The following MAP7 variants were observed in gnomAD, a reference collection of about 807,000 sequenced individuals.
MAP7 encodes ensconsin.
A neutral mutation model predicts 94.8 loss-of-function variants in MAP7; 52 were observed. The ratio of observed to expected loss-of-function variants is 0.55; its 90% CI spans 0.44 to 0.69. The LOEUF (loss-of-function observed/expected upper bound fraction) is 0.69, where lower values mean the gene tolerates loss of function less well. Ranked by LOEUF, MAP7 falls within the 30% of genes least tolerant of loss-of-function variation. MAP7 has a pLI of 0.00. For synonymous variants in MAP7, 350 were observed against 357.0 expected (o/e 0.98, Z 0.22); for missense variants, 940 against 964.6 (o/e 0.97, Z 0.34).
At chr6:136,439,181 G>T (rs1353683492) in intron 1 of MAP7, among the ~76,000 whole-genome samples, 6 of 152,180 alleles carry the variant, frequency 3.9e-5, no homozygotes, top group Non-Finnish European at 7.3e-5. Flanking sequence ...GACCCAATGT[G>T]ATAGTGCTAA....
chr6:136,430,244 A>G (rs944819466), intron 1 of MAP7, among the ~76,000 whole-genome samples: 4 of 152,224 alleles, frequency 2.6e-5, no homozygotes, highest in African/African-American at 7.2e-5. Flanking sequence ...AACGAACTGA[A>G]AAGAGGGTGT....
At chr6:136,361,522 G>A (rs896393457) in intron 11 of MAP7, among the ~76,000 whole-genome samples, 1 of 152,294 alleles carries the variant, frequency 6.6e-6, no homozygotes, top group East Asian at 1.9e-4. Context: ...AAGCACCCCA[G>A]CCAAAGGGAA....
intron 1 of MAP7, among the ~76,000 whole-genome samples, chr6:136,528,862 A>G (rs1828243046): frequency 6.6e-6 from 1 of 150,978 alleles, no homozygotes; most frequent in South Asian, 2.1e-4. Flanking sequence ...TCCTTCCCTT[A>G]TAAAGGACAC....
chr6:136,363,365 TC>T (rs1036175430), intron 10 of MAP7, among the ~76,000 whole-genome samples: 5 of 152,210 alleles, frequency 3.3e-5, no homozygotes. Flanking sequence ...ACACTGATGC[TC>T]ACAATTCTGC....
At chr6:136,496,170 C>CA (rs887051806) in intron 1 of MAP7, among the ~76,000 whole-genome samples, 21 of 152,094 alleles carry the variant, frequency 1.4e-4, no homozygotes, top group Admixed American at 3.3e-4. Context: ...TAACTATTTG[C>CA]AAAAAAATTT....
intron 1 of MAP7, among the ~76,000 whole-genome samples, chr6:136,548,702 A>G (rs1661683610): frequency 6.6e-6 from 1 of 152,254 alleles, no homozygotes; most frequent in Non-Finnish European, 1.5e-5. Flanking sequence ...GTTTGTAGTC[A>G]GTTCACTTAT....
Position 136,362,514 on chromosome 6 carries a change from G to A in MAP7, c.1462C>T (p.Arg488Trp), listed in dbSNP as rs1361780560. Residue 488 changes from arginine to tryptophan, a missense_variant, in exon 11 of 18, where the codon CGG (arginine) becomes TGG (tryptophan). Arg to Trp is a moderately radical substitution (Grantham distance 101, BLOSUM62 -3). Transcript: ENST00000354570. The part of the protein sequence containing the change: ...EATRLLAEKR[R>W]LAREQREKEE... ...TTTTCTCTCTGCTCTCGGGCCAGCCGCCTCTTCTCAGCTAGAAGCCTTGTG... is the reference window on the plus strand; with the variant it reads ...TTTTCTCTCTGCTCTCGGGCCAGCCACCTCTTCTCAGCTAGAAGCCTTGTG... The A allele has an allele frequency of 2.5e-6, 4 of 1,613,850 alleles. No individual in the cohort carries two copies. In the Admixed American group the frequency reaches 5.0e-5, roughly 20 times the overall value.
intron 7 of MAP7, among the ~76,000 whole-genome samples, chr6:136,376,597 T>C (rs1362927029): frequency 6.6e-6 from 1 of 152,228 alleles, no homozygotes; most frequent in Non-Finnish European, 1.5e-5. Context: ...GTTCAGCTAG[T>C]TGACTGCACA....
intron 3 of MAP7, among the ~76,000 whole-genome samples, chr6:136,406,969 A>T (rs965183564): frequency 1.3e-5 from 2 of 152,252 alleles, no homozygotes; most frequent in Non-Finnish European, 2.9e-5. Context: ...AAAATAAAGT[A>T]AGTGACATTC....
Position 136,383,658 on chromosome 6 carries a change from C to A in MAP7, c.637+13G>T, listed in dbSNP as rs765724702. On this transcript the variant is annotated intron_variant, in intron 6 of 17. Transcript: ENST00000354570. ...AAATAACAGACACTTTTTTGTTTTC[C>A]TTTGGACTGTACCTCTATCTGGAGA... 6.7e-7 allele frequency: 1 copy of A among 1,485,962 alleles called. No homozygotes were observed. Among genetic ancestry groups the A allele is most frequent in the Non-Finnish European group, 9.3e-7 (1 of 1,079,504 alleles). The allele number at this position is 1,485,962 out of a possible 1,614,324, so 92.0% of individuals were successfully genotyped here. A position where few individuals can be genotyped will look rare whatever the true frequency, so the allele number is the denominator to read the frequency against.
intron 1 of MAP7, among the ~76,000 whole-genome samples, chr6:136,542,826 T>TC (rs1010958290): frequency 6.6e-6 from 1 of 152,118 alleles, no homozygotes; most frequent in African/African-American, 2.4e-5. Context: ...CAACACCACC[T>TC]CCAGGCTTTC....
intron 1 of MAP7, among the ~76,000 whole-genome samples, chr6:136,509,463 G>C (rs1583101132): frequency 6.6e-6 from 1 of 152,116 alleles, no homozygotes. Context: ...ATGTTGCCCA[G>C]GCTGGTTTCA....
At chr6:136,364,080 G>A (rs938032759) in intron 10 of MAP7, 1 of 273,050 alleles carries the variant, frequency 3.7e-6, no homozygotes, top group Non-Finnish European at 7.2e-6. Context: ...CACTTCATCT[G>A]GCAACTAGCA....
intron 16 of MAP7, among the ~76,000 whole-genome samples, chr6:136,347,998 C>T (rs1356006856): frequency 1.3e-5 from 2 of 150,028 alleles, no homozygotes; most frequent in South Asian, 2.1e-4. Context: ...TACAGTCACA[C>T]ACATGTGCAC....
intron 3 of MAP7, among the ~76,000 whole-genome samples, chr6:136,402,905 C>CAAAAAAAAAAAAAAAAAAAAAA (rs57114676): frequency 5.0e-4 from 34 of 67,392 alleles, no homozygotes; most frequent in South Asian, 1.6e-3. Flanking sequence ...GACTCTGTCT[C>CAAAAAAAAAAAAAAAAAAAAAA]AAAAAAAAAA....
chr6:136,498,335 G>A (rs564054364), intron 1 of MAP7, among the ~76,000 whole-genome samples: 19 of 152,132 alleles, frequency 1.2e-4, no homozygotes, highest in African/African-American at 3.6e-4. Context: ...AATAGGGCCC[G>A]TACATAGAGT....
At chr6:136,348,917 T>A (rs1198692014) in intron 16 of MAP7, among the ~76,000 whole-genome samples, 1 of 152,084 alleles carries the variant, frequency 6.6e-6, no homozygotes, top group Non-Finnish European at 1.5e-5. Flanking sequence ...AAACATGAAA[T>A]GTCTTCTGGA....
At chr6:136,452,142 C>T (rs868732789) in intron 1 of MAP7, among the ~76,000 whole-genome samples, 4 of 151,948 alleles carry the variant, frequency 2.6e-5, no homozygotes, top group Non-Finnish European at 4.4e-5. Context: ...TGCAGTGAGC[C>T]GAGATCAAGT....
intron 6 of MAP7, 104 bp from the exon 7 acceptor site, chr6:136,377,972 C>G: frequency 1.3e-6 from 1 of 755,488 alleles, no homozygotes; most frequent in Middle Eastern, 3.8e-4. Context: ...CTTCACAGGA[C>G]CAGGCTCTGC....
Sources: gnomAD v4.1 joint callset for allele counts (sites outside exome capture counted in the v4.1 genomes callset) on GRCh38, gnomAD v4.1.1 for gene constraint, MANE v1.5 for transcripts, NCBI Gene and HGNC (gene_info 2026-07-23, HGNC 2026-07-21) for gene names.